RNGTT: variants seen among roughly 807,000 people sequenced by gnomAD.
RNGTT encodes the protein RNA guanylyltransferase and 5'-phosphatase, also known as mRNA-capping enzyme.
A neutral mutation model predicts 79.3 loss-of-function variants in RNGTT; 33 were observed. That is an observed-to-expected ratio of 0.42 (90% CI 0.32 to 0.56). The LOEUF is 0.56. Among genes scored for constraint, RNGTT ranks in the 20% least tolerant of loss-of-function variants. RNGTT has a pLI of 0.17. For missense variants in RNGTT, 497 were observed against 739.1 expected, an observed-to-expected ratio of 0.67 and a Z score of 3.80; for synonymous variants, 222 against 235.9, an observed-to-expected ratio of 0.94 and a Z score of 0.54.
intron 11 of RNGTT, among the ~76,000 whole-genome samples, chr6:88,818,923 A>G (rs145648460): frequency 2.6e-5 from 4 of 152,316 alleles, no homozygotes; most frequent in African/African-American, 9.6e-5. Context: ...ATAATAAATA[A>G]AAAGACTTCT....
intron 10 of RNGTT, among the ~76,000 whole-genome samples, chr6:88,848,160 T>C (rs1367041265): frequency 6.6e-6 from 1 of 151,678 alleles, no homozygotes; most frequent in Non-Finnish European, 1.5e-5. Context: ...AACAGGATGA[T>C]ACCATTTCAC....
intron 8 of RNGTT, among the ~76,000 whole-genome samples, chr6:88,890,065 G>C (rs1044315324): frequency 2.0e-5 from 3 of 152,104 alleles, no homozygotes; most frequent in Non-Finnish European, 4.4e-5. Flanking sequence ...AGTATATAAA[G>C]AGAATAAGGC....
intron 11 of RNGTT, among the ~76,000 whole-genome samples, chr6:88,804,733 T>C (rs1440776168): frequency 6.6e-6 from 1 of 152,060 alleles, no homozygotes; most frequent in Admixed American, 6.5e-5. Context: ...AAAAAAAGTA[T>C]CCAAACTTGT....
chr6:88,619,550 T>C (rs951440073), intron 14 of RNGTT, among the ~76,000 whole-genome samples: 7 of 152,088 alleles, frequency 4.6e-5, no homozygotes, highest in African/African-American at 1.4e-4. Flanking sequence ...CTTATTTTGG[T>C]CAGAATTAAA....
rs1320762563 is a variant in RNGTT at position 88,611,528 on chromosome 6, A to G, written c.*1191T>C. 8.4e-6 allele frequency: 1 copy of G among 118,836 alleles called. No individual in the cohort carries two copies. The highest frequency in any genetic ancestry group is 1.9e-5 in the Non-Finnish European group (1 of 52,068). The allele number at this position is 118,836 out of a possible 1,614,324, so 7.4% of individuals were successfully genotyped here. ...TATCAACAATGGCAGACAATCAATT[A>G]GCCGCCCTTTAAATCCATTATCTAT... On this transcript the variant is annotated 3_prime_UTR_variant, in exon 16 of 16. Transcript: ENST00000369485.
intron 4 of RNGTT, among the ~76,000 whole-genome samples, chr6:88,926,272 A>T (rs1280854550): frequency 6.6e-6 from 1 of 152,192 alleles, no homozygotes; most frequent in African/African-American, 2.4e-5. Flanking sequence ...TATCAGTTCC[A>T]TTGCTTTACC....
chr6:88,798,464 C>CA lies in RNGTT; in HGVS notation c.1338+3099dup, dbSNP rs202114661. Among the ~76,000 whole-genome samples the CA allele has an allele frequency of 4.6e-3, 575 of 126,324 alleles. 1 individual carries two copies. Among genetic ancestry groups the CA allele is most frequent in the African/African-American group, 0.013 (436 of 33,694 alleles). 82.9% of individuals were successfully genotyped at this position (126,324 alleles called of 152,430 possible). On this transcript the variant is annotated intron_variant, in intron 12 of 15. Coordinates refer to ENST00000369485, the MANE Select transcript of RNGTT (RefSeq NM_003800.5). ...TGGGCAACAAAGTGAGACCCTGTCTCAAAAAAAAAAAAAGAGAGAAAAATG... is the reference window on the plus strand; with the variant it reads ...TGGGCAACAAAGTGAGACCCTGTCTCAAAAAAAAAAAAAAGAGAGAAAAATG...
intron 13 of RNGTT, among the ~76,000 whole-genome samples, chr6:88,689,016 T>C (rs941261396): frequency 6.6e-6 from 1 of 152,236 alleles, no homozygotes. Flanking sequence ...GTGTATGTTA[T>C]TGGTAAGGCT....
intron 2 of RNGTT, among the ~76,000 whole-genome samples, chr6:88,937,345 C>CAA: frequency 7.1e-6 from 1 of 141,816 alleles, no homozygotes; most frequent in African/African-American, 2.6e-5. Flanking sequence ...AACTCCATCT[C>CAA]AAAAAAAAAA....
At chr6:88,673,688 G>A (rs559312280) in intron 14 of RNGTT, among the ~76,000 whole-genome samples, 8 of 152,220 alleles carry the variant, frequency 5.3e-5, no homozygotes, top group Non-Finnish European at 7.4e-5. Context: ...TTTTGTCACC[G>A]AGCTTGTTAG....
intron 1 of RNGTT, among the ~76,000 whole-genome samples, chr6:88,943,632 G>C (rs1280802008): frequency 6.6e-6 from 1 of 151,020 alleles, no homozygotes; most frequent in Non-Finnish European, 1.5e-5. Context: ...TATTCTATTA[G>C]GAAAATATAA....
chr6:88,680,909 C>T (rs1005511020), intron 13 of RNGTT, among the ~76,000 whole-genome samples: 3 of 152,196 alleles, frequency 2.0e-5, no homozygotes, highest in Admixed American at 6.5e-5. Flanking sequence ...GTTACAAACA[C>T]GACTAAAGGC....
At chr6:88,672,401 G>T (rs1240482481) in intron 14 of RNGTT, among the ~76,000 whole-genome samples, 4 of 152,086 alleles carry the variant, frequency 2.6e-5, no homozygotes, top group Non-Finnish European at 5.9e-5. Flanking sequence ...AATGGCATTT[G>T]CAGCAACCTG....
At chr6:88,630,025 C>T (rs989851298) in intron 14 of RNGTT, among the ~76,000 whole-genome samples, 7 of 152,142 alleles carry the variant, frequency 4.6e-5, no homozygotes, top group East Asian at 1.9e-4. Context: ...GCTGTGCCTA[C>T]GCTAACCTTT....
chr6:88,709,346 G>A (rs1194788950), intron 13 of RNGTT, among the ~76,000 whole-genome samples: 4 of 151,924 alleles, frequency 2.6e-5, no homozygotes, highest in Admixed American at 2.0e-4. Flanking sequence ...TCTTATGCTG[G>A]AACACTAACA....
chr6:88,945,062 A>G (rs1464701185), intron 1 of RNGTT, among the ~76,000 whole-genome samples: 1 of 152,242 alleles, frequency 6.6e-6, no homozygotes, highest in Non-Finnish European at 1.5e-5. Context: ...TGATGAAGAT[A>G]GTCCTACATC....
intron 14 of RNGTT, among the ~76,000 whole-genome samples, chr6:88,676,330 T>C (rs1297643485): frequency 2.6e-5 from 4 of 151,404 alleles, no homozygotes; most frequent in Admixed American, 6.6e-5. Context: ...CATCTATATA[T>C]CCACGTCTTG....
intron 9 of RNGTT, among the ~76,000 whole-genome samples, 166 bp from the exon 10 acceptor site, chr6:88,849,992 GC>G (rs1169524922): frequency 2.0e-5 from 3 of 151,498 alleles, no homozygotes; most frequent in Admixed American, 6.6e-5. Flanking sequence ...TAAACTGTTA[GC>G]CCCCCATCCC....
chr6:88,672,889 T>C (rs1233300184), intron 14 of RNGTT, among the ~76,000 whole-genome samples: 1 of 152,044 alleles, frequency 6.6e-6, no homozygotes, highest in African/African-American at 2.4e-5. Flanking sequence ...AGAGTGTGTG[T>C]GTGTTCAGCT....
Sources: allele counts gnomAD v4.1 joint callset (sites outside exome capture counted in the v4.1 genomes callset), GRCh38; gene constraint gnomAD v4.1.1; transcripts MANE v1.5; gene names NCBI Gene and HGNC (gene_info 2026-07-23, HGNC 2026-07-21).